PLEKHG1: variants seen among roughly 807,000 people sequenced by gnomAD.
PLEKHG1 encodes pleckstrin homology domain-containing family G member 1.
Under a neutral mutation model 100.8 loss-of-function variants are expected in PLEKHG1, and 44 were observed. The ratio of observed to expected loss-of-function variants is 0.44; its 90% CI spans 0.34 to 0.56. PLEKHG1 has a LOEUF of 0.56. Among genes scored for constraint, PLEKHG1 ranks in the 20% least tolerant of loss-of-function variants. The probability of loss-of-function intolerance (pLI) is 0.01; values close to 1 mark genes in which losing one functional copy is unlikely to be tolerated. For synonymous variants in PLEKHG1, 640 were observed against 662.5 expected (o/e 0.97, Z 0.52); for missense variants, 1,545 against 1,720.9 (o/e 0.90, Z 1.81).
chr6:150,843,644 A>C (rs776230760), exon 16 of PLEKHG1: 6 of 152,242 alleles, frequency 3.9e-5, no homozygotes, highest in Non-Finnish European at 7.3e-5. Flanking sequence ...TTATTTAATA[A>C]AGTTTGTAAA....
exon 16 of PLEKHG1, chr6:150,841,026 C>A (rs1311510239): frequency 2.6e-6 from 2 of 765,724 alleles, no homozygotes; most frequent in Non-Finnish European, 4.6e-6. Flanking sequence ...AATATACTTT[C>A]TTTTACAGCA....
chr6:150,775,973 T>G (rs1259243867), intron 3 of PLEKHG1, among the ~76,000 whole-genome samples: 1 of 152,102 alleles, frequency 6.6e-6, no homozygotes. Context: ...GCCAGCTGAT[T>G]AGGCAACGGG....
intron 15 of PLEKHG1, 43 bp downstream of exon 16, chr6:150,832,248 G>T (rs1776987497): frequency 6.7e-7 from 1 of 1,487,858 alleles, no homozygotes; most frequent in South Asian, 1.3e-5. Flanking sequence ...AGTAAGAGGG[G>T]AGAGCGGTTT....
At chr6:150,755,819 A>G (rs1477034731) in intron 2 of PLEKHG1, among the ~76,000 whole-genome samples, 7 of 152,176 alleles carry the variant, frequency 4.6e-5, no homozygotes, top group Non-Finnish European at 1.0e-4. Flanking sequence ...CTGTCCTCAG[A>G]TAAATCCGTC....
At chr6:150,641,162 A>G (rs996310737) in intron 2 of PLEKHG1, among the ~76,000 whole-genome samples, 3 of 152,206 alleles carry the variant, frequency 2.0e-5, no homozygotes, top group Non-Finnish European at 4.4e-5. Context: ...CATAAACAGA[A>G]TCTGGAGAAA....
At chr6:150,604,703 G>T (rs958540592) in intron 1 of PLEKHG1, among the ~76,000 whole-genome samples, 1 of 152,096 alleles carries the variant, frequency 6.6e-6, no homozygotes, top group African/African-American at 2.4e-5. Flanking sequence ...TTTTATCTTT[G>T]CCCTGGGGCT....
chr6:150,755,299 A>G (rs922195079), intron 2 of PLEKHG1, among the ~76,000 whole-genome samples: 3 of 152,166 alleles, frequency 2.0e-5, no homozygotes, highest in Non-Finnish European at 2.9e-5. Context: ...TTTTATGCAC[A>G]GGTCTCCCCT....
At chr6:150,834,209 T>G (rs1273321658) in intron 15 of PLEKHG1, among the ~76,000 whole-genome samples, 1 of 152,232 alleles carries the variant, frequency 6.6e-6, no homozygotes, top group Non-Finnish European at 1.5e-5. Context: ...CTTGCCATGA[T>G]GCACTATGAG....
At chr6:150,766,754 C>G (rs1426487120) in intron 2 of PLEKHG1, among the ~76,000 whole-genome samples, 1 of 152,176 alleles carries the variant, frequency 6.6e-6, no homozygotes, top group Non-Finnish European at 1.5e-5. Context: ...ATTCTTTAAG[C>G]CCCTTAACTC....
rs571340163 is a variant in PLEKHG1, at chr6:150,776,476, C to G, written c.512+7738C>G. Among the ~76,000 whole-genome samples, 49 of 131,070 alleles carry G rather than the reference C, an allele frequency of 3.7e-4. 3 individuals are homozygous for G. The highest frequency in any genetic ancestry group is 1.6e-3 in the African/African-American group (44 of 27,918). The allele number at this position is 131,070 out of a possible 152,430, so 86.0% of individuals were successfully genotyped here. A position where few individuals can be genotyped will look rare whatever the true frequency, so the allele number is the denominator to read the frequency against. On this transcript the variant is annotated intron_variant, in intron 3 of 15. Coordinates refer to ENST00000358517, the Ensembl canonical transcript of PLEKHG1. ...GCACATTACTCACACTGATGCAATC[C>G]TGGCGTACATGTGCAGTTGCACATC... is the stretch of plus-strand genomic sequence containing the variant.
At chr6:150,634,745 T>G (rs1777919996) in intron 1 of PLEKHG1, among the ~76,000 whole-genome samples, 1 of 152,192 alleles carries the variant, frequency 6.6e-6, no homozygotes, top group East Asian at 1.9e-4. Flanking sequence ...ATAAAACAAT[T>G]GAACAATAAA....
At chr6:150,756,717 C>G (rs1327008092) in intron 2 of PLEKHG1, among the ~76,000 whole-genome samples, 1 of 152,076 alleles carries the variant, frequency 6.6e-6, no homozygotes, top group African/African-American at 2.4e-5. Context: ...CCTTTTTTGG[C>G]TGGCTGAAAT....
exon 2 of PLEKHG1, chr6:150,733,600 T>A (rs1323668147): frequency 6.2e-7 from 1 of 1,611,956 alleles, no homozygotes; most frequent in Non-Finnish European, 8.5e-7. Context: ...ACCAGTTGCG[T>A]CTTGAAGTGC....
intron 2 of PLEKHG1, among the ~76,000 whole-genome samples, chr6:150,645,566 G>A (rs1197412989): frequency 6.6e-6 from 1 of 152,140 alleles, no homozygotes; most frequent in African/African-American, 2.4e-5. Flanking sequence ...ATAAGCAGAA[G>A]ACAATTCAGT....
At chr6:150,673,874 G>A (rs73008165) in intron 3 of PLEKHG1, among the ~76,000 whole-genome samples, 11,898 of 152,030 alleles carry the variant, frequency 0.078, 545 homozygotes, top group Non-Finnish European at 0.1. Flanking sequence ...ATGTTGCTGC[G>A]GGCTGGTCTC....
rs572885306 is a variant in PLEKHG1, at chr6:150,822,644, A to G, written c.1448-1010A>G. Reference sequence around the variant, plus strand: ...CCTGTTCACAAGAGTGTCCACGTATATTTAGCAGAATATACAAAGTTGCAT... The same window carrying G: ...CCTGTTCACAAGAGTGTCCACGTATGTTTAGCAGAATATACAAAGTTGCAT... On this transcript the variant is annotated intron_variant, in intron 13 of 15. Coordinates refer to ENST00000358517, the Ensembl canonical transcript of PLEKHG1. Among the ~76,000 whole-genome samples, 10 of 152,372 alleles carry G rather than the reference A, an allele frequency of 6.6e-5. No individual in the cohort carries two copies. In the South Asian group the frequency reaches 1.9e-3, roughly 28 times the overall value.
intron 2 of PLEKHG1, among the ~76,000 whole-genome samples, chr6:150,735,569 G>A (rs141144745): frequency 6.6e-6 from 1 of 152,286 alleles, no homozygotes; most frequent in African/African-American, 2.4e-5. Flanking sequence ...AAATAGAAAA[G>A]TCAATTGATG....
intron 3 of PLEKHG1, among the ~76,000 whole-genome samples, chr6:150,771,294 G>A (rs376198133): frequency 2.5e-4 from 38 of 152,054 alleles, no homozygotes; most frequent in Middle Eastern, 3.4e-3. Flanking sequence ...GCACATGCCT[G>A]TAATCCCAGC....
chr6:150,823,296 C>T (rs1307782384), intron 13 of PLEKHG1, among the ~76,000 whole-genome samples: 1 of 152,172 alleles, frequency 6.6e-6, no homozygotes, highest in Non-Finnish European at 1.5e-5. Context: ...TCAGCAGAAA[C>T]AATATCATCT....
Sources: allele counts gnomAD v4.1 joint callset (sites outside exome capture counted in the v4.1 genomes callset), GRCh38; gene constraint gnomAD v4.1.1; transcripts MANE v1.5; gene names NCBI Gene and HGNC (gene_info 2026-07-23, HGNC 2026-07-21).